NDUFA10: variants seen among roughly 807,000 people sequenced by gnomAD.
NDUFA10 encodes NADH:ubiquinone oxidoreductase subunit A10.
A neutral mutation model predicts 47.8 loss-of-function variants in NDUFA10; 40 were observed. The ratio of observed to expected loss-of-function variants is 0.84; its 90% CI spans 0.65 to 1.09. The LOEUF (loss-of-function observed/expected upper bound fraction) is 1.09, where lower values mean the gene tolerates loss of function less well. Ranked by LOEUF, NDUFA10 falls within the 50% of genes least tolerant of loss-of-function variation. The pLI is 0.00. For synonymous variants in NDUFA10, 183 were observed against 172.2 expected, an observed-to-expected ratio of 1.06 and a Z score of -0.49; for missense variants, 413 against 451.1, an observed-to-expected ratio of 0.92 and a Z score of 0.76.
chr2:240,009,839 G>A (rs988818358), intron 6 of NDUFA10, among the ~76,000 whole-genome samples: 6 of 152,104 alleles, frequency 3.9e-5, no homozygotes, highest in African/African-American at 1.4e-4. Context: ...TCTAACCTAA[G>A]ATCTAACAAT....
At chr2:239,929,939 C>G (rs1458170467) in intron 4 of NDUFA10, among the ~76,000 whole-genome samples, 1 of 146,712 alleles carries the variant, frequency 6.8e-6, no homozygotes, top group Non-Finnish European at 1.5e-5. Context: ...CCTCCACTGC[C>G]CCTGCTCCTC....
intron 4 of NDUFA10, among the ~76,000 whole-genome samples, chr2:239,904,244 G>A (rs547954757): frequency 2.0e-5 from 3 of 152,200 alleles, no homozygotes; most frequent in African/African-American, 7.2e-5. Context: ...CCCTAAAGGT[G>A]CCTCTTCCTT....
chr2:240,008,893 C>T (rs1697041695), intron 6 of NDUFA10, among the ~76,000 whole-genome samples: 3 of 152,198 alleles, frequency 2.0e-5, no homozygotes, highest in Non-Finnish European at 4.4e-5. Flanking sequence ...ACCTCGGCAA[C>T]AGACAAATAA....
chr2:239,905,693 A>G (rs1421111350), intron 4 of NDUFA10, among the ~76,000 whole-genome samples: 3 of 151,762 alleles, frequency 2.0e-5, no homozygotes, highest in African/African-American at 4.8e-5. Flanking sequence ...GCCCCATCAG[A>G]GGGAGAGCTT....
At chr2:239,907,728 A>T (rs953833003) in intron 4 of NDUFA10, among the ~76,000 whole-genome samples, 1 of 152,358 alleles carries the variant, frequency 6.6e-6, no homozygotes, top group South Asian at 2.1e-4. Flanking sequence ...AATGGTGATC[A>T]TTAAAAAGTC....
chr2:239,913,722 G>C (rs754964677), intron 4 of NDUFA10, among the ~76,000 whole-genome samples: 3 of 152,226 alleles, frequency 2.0e-5, no homozygotes, highest in Non-Finnish European at 4.4e-5. Flanking sequence ...AACCATGTTT[G>C]ATCTGTCAAC....
chr2:239,941,510 G>C (rs955409564), intron 4 of NDUFA10, among the ~76,000 whole-genome samples: 2 of 151,436 alleles, frequency 1.3e-5, no homozygotes, highest in African/African-American at 2.4e-5. Flanking sequence ...CAGATCACCT[G>C]AGGTCGGGAG....
chr2:240,014,974 C>A (rs1190350194), intron 4 of NDUFA10, 114 bp from the exon 5 acceptor site: 30 of 1,440,946 alleles, frequency 2.1e-5, no homozygotes, highest in Non-Finnish European at 2.7e-5. Context: ...AAGCCACGTA[C>A]CAATCTACAA....
chr2:239,921,730 G>A (rs779872847), intron 4 of NDUFA10, among the ~76,000 whole-genome samples: 2 of 152,108 alleles, frequency 1.3e-5, no homozygotes, highest in African/African-American at 2.4e-5. Context: ...GGATGAGGCC[G>A]GGTCAGACAT....
chr2:239,963,636 G>A (rs1237479340), intron 9 of NDUFA10, among the ~76,000 whole-genome samples: 1 of 152,234 alleles, frequency 6.6e-6, no homozygotes. Context: ...AATATGTGCA[G>A]GGTGTGGGGG....
chr2:239,922,054 C>T (rs1007323844), intron 4 of NDUFA10, among the ~76,000 whole-genome samples: 1 of 142,280 alleles, frequency 7.0e-6, no homozygotes, highest in Non-Finnish European at 1.5e-5. Context: ...TCTTCCCTCC[C>T]TCCCTTCCTT....
At chr2:239,969,496 G>C in intron 9 of NDUFA10, 1 of 362,052 alleles carries the variant, frequency 2.8e-6, no homozygotes, top group Admixed American at 3.6e-5. Flanking sequence ...GAATGTGCCT[G>C]GTCAGTGATG....
At chr2:240,007,392 A>C in intron 6 of NDUFA10, 22 bp from the exon 7 acceptor site, 1 of 1,518,146 alleles carries the variant, frequency 6.6e-7, no homozygotes, top group Non-Finnish European at 9.1e-7. Context: ...AACAAGATGA[A>C]ATTCAGTGTA....
intron 9 of NDUFA10, among the ~76,000 whole-genome samples, chr2:239,986,762 G>T (rs1470711623): frequency 6.6e-6 from 1 of 152,192 alleles, no homozygotes; most frequent in East Asian, 1.9e-4. Flanking sequence ...AAACTACTGA[G>T]TGAAAGTTTG....
intron 9 of NDUFA10, among the ~76,000 whole-genome samples, chr2:239,974,516 T>A (rs1030028730): frequency 2.0e-5 from 3 of 152,238 alleles, no homozygotes; most frequent in Non-Finnish European, 2.9e-5. Flanking sequence ...CCCCTCCAAA[T>A]CTCATGCTGA....
intron 9 of NDUFA10, among the ~76,000 whole-genome samples, chr2:239,982,582 A>T (rs1005450108): frequency 2.0e-5 from 3 of 152,172 alleles, no homozygotes; most frequent in African/African-American, 7.2e-5. Flanking sequence ...GAGATCAGAC[A>T]TACCTCCACC....
intron 4 of NDUFA10, among the ~76,000 whole-genome samples, chr2:239,911,531 T>C (rs1387180195): frequency 6.6e-6 from 1 of 152,314 alleles, no homozygotes; most frequent in South Asian, 2.1e-4. Flanking sequence ...ACCCTGAGCC[T>C]TCCACTGGTT....
intron 4 of NDUFA10, among the ~76,000 whole-genome samples, chr2:239,902,642 G>A (rs1693574430): frequency 6.6e-6 from 1 of 152,222 alleles, no homozygotes; most frequent in Admixed American, 6.5e-5. Flanking sequence ...TGTGTCCACA[G>A]GACTGGGCTT....
chr2:240,019,105 C>T (rs141565375), intron 3 of NDUFA10, among the ~76,000 whole-genome samples: 194 of 152,314 alleles, frequency 1.3e-3, no homozygotes, highest in Non-Finnish European at 2.2e-3. Flanking sequence ...CCCCAGCCAG[C>T]CTCCTTGCAG....
Sources: allele counts gnomAD v4.1 joint callset (sites outside exome capture counted in the v4.1 genomes callset), GRCh38; gene constraint gnomAD v4.1.1; transcripts MANE v1.5; gene names NCBI Gene and HGNC (gene_info 2026-07-23, HGNC 2026-07-21).